RCAN1: variants seen among roughly 807,000 people sequenced by gnomAD.
RCAN1 encodes regulator of calcineurin 1.
Under a neutral mutation model 22.9 loss-of-function variants are expected in RCAN1, and 11 were observed. The ratio of observed to expected loss-of-function variants is 0.48; its 90% confidence interval spans 0.30 to 0.79. RCAN1 has a LOEUF of 0.79. Ranked by LOEUF, RCAN1 falls within the 30% of genes least tolerant of loss-of-function variation. RCAN1 has a pLI of 0.06. For missense variants in RCAN1, 291 were observed against 337.8 expected (o/e 0.86, Z 1.09); for synonymous variants, 136 against 142.3 (o/e 0.96, Z 0.32).
intron 1 of RCAN1, among the ~76,000 whole-genome samples, chr21:34,612,305 C>T (rs1051492506): frequency 2.0e-5 from 3 of 152,186 alleles, no homozygotes; most frequent in Admixed American, 6.5e-5. Flanking sequence ...AGCTACCAAT[C>T]GCCTCTCTGT....
intron 1 of RCAN1, among the ~76,000 whole-genome samples, chr21:34,544,784 C>T (rs541943062): frequency 2.0e-5 from 3 of 152,276 alleles, no homozygotes; most frequent in East Asian, 1.9e-4. Flanking sequence ...AGGAAGCACC[C>T]GCCTCGGGTT....
chr21:34,592,331 T>C (rs1002249655), intron 1 of RCAN1, among the ~76,000 whole-genome samples: 1 of 152,164 alleles, frequency 6.6e-6, no homozygotes, highest in Admixed American at 6.5e-5. Flanking sequence ...GAGTCCCTGA[T>C]AATGGCGTCC....
chr21:34,603,385 C>CT (rs11380595), intron 1 of RCAN1, among the ~76,000 whole-genome samples: 102,815 of 151,922 alleles, frequency 0.68, 35,482 homozygotes, highest in East Asian at 0.9. Flanking sequence ...TCCCGAAGTC[C>CT]CCCGGTTTGT....
intron 1 of RCAN1, among the ~76,000 whole-genome samples, chr21:34,563,515 C>A (rs1374388681): frequency 6.6e-6 from 1 of 151,898 alleles, no homozygotes; most frequent in African/African-American, 2.4e-5. Context: ...GCACCAAGGG[C>A]AGGGAAGCAT....
chr21:34,598,471 T>C (rs1407512877), intron 1 of RCAN1, among the ~76,000 whole-genome samples: 2 of 152,210 alleles, frequency 1.3e-5, no homozygotes, highest in South Asian at 2.1e-4. Context: ...GCAAACAACA[T>C]TGGAACATCC....
At chr21:34,534,256 C>T (rs1985563615) in intron 1 of RCAN1, among the ~76,000 whole-genome samples, 1 of 152,094 alleles carries the variant, frequency 6.6e-6, no homozygotes, top group Non-Finnish European at 1.5e-5. Flanking sequence ...CTGCAGTACC[C>T]ACTTTCTAAA....
chr21:34,546,547 G>A (rs1455945387), intron 1 of RCAN1, among the ~76,000 whole-genome samples: 1 of 152,182 alleles, frequency 6.6e-6, no homozygotes, highest in Non-Finnish European at 1.5e-5. Context: ...ACGCAAAGAA[G>A]ACAGCACAAA....
intron 1 of RCAN1, among the ~76,000 whole-genome samples, chr21:34,548,208 A>G (rs778299151): frequency 1.3e-4 from 20 of 152,238 alleles, no homozygotes; most frequent in Non-Finnish European, 2.8e-4. Context: ...ACCAAAGCCT[A>G]TAGATCCTAT....
At chr21:34,546,356 T>C (rs1986137114) in intron 1 of RCAN1, among the ~76,000 whole-genome samples, 1 of 152,104 alleles carries the variant, frequency 6.6e-6, no homozygotes, top group Non-Finnish European at 1.5e-5. Flanking sequence ...CTAGCATTTG[T>C]TGGCAGTTAC....
chr21:34,530,626 T>TG (rs57805524), intron 1 of RCAN1, among the ~76,000 whole-genome samples: 41,954 of 127,602 alleles, frequency 0.33, 7,060 homozygotes, highest in African/African-American at 0.45. Context: ...GTTTTTTTTT[T>TG]TTTTTTTTTT....
At chr21:34,533,063 C>T (rs546503699) in intron 1 of RCAN1, among the ~76,000 whole-genome samples, 3 of 151,606 alleles carry the variant, frequency 2.0e-5, no homozygotes, top group Admixed American at 6.6e-5. Flanking sequence ...CGGGTTCACG[C>T]CATTCTCCTG....
Position 34,552,740 on chromosome 21 carries a change from G to T in RCAN1, c.253-29030C>A, listed in dbSNP as rs141738924. On this transcript the variant is annotated intron_variant, in intron 1 of 3. Transcript: ENST00000313806. ...TGTCATTATTGAATGCCTATTCATG[G>T]ATGTATCGATAATAAAAGACAGTGA... is the stretch of plus-strand genomic sequence containing the variant. Among the ~76,000 whole-genome samples, 260 of 152,036 alleles carry T rather than the reference G, an allele frequency of 1.7e-3. 5 individuals carry two copies. Among genetic ancestry groups the T allele is most frequent in the Admixed American group, 0.015 (225 of 15,274 alleles).
intron 1 of RCAN1, among the ~76,000 whole-genome samples, chr21:34,605,097 G>A (rs943125916): frequency 3.9e-5 from 6 of 152,244 alleles, no homozygotes; most frequent in Admixed American, 6.5e-5. Flanking sequence ...GTCTGTGAGG[G>A]TGTTGCCAGA....
At position 34,614,634 on chromosome 21, in the gene RCAN1, G is replaced by T; in HGVS notation, c.252+126C>A. ...GCCCTGACGGGTCCGCGGCCGAGCA[G>T]CCCGGGGGACGTCGCTGCCTCCCCG... On this transcript the variant is annotated intron_variant, in intron 1 of 3. Transcript: ENST00000313806. The surrounding 1 kb of genome is among the most constrained non-coding windows in gnomAD (Gnocchi z 6.0). 1.8e-6 allele frequency: 2 copies of T among 1,111,576 alleles called. No individual in the cohort carries two copies. Among genetic ancestry groups the T allele is most frequent in the Non-Finnish European group, 2.2e-6 (2 of 901,620 alleles). The allele number at this position is 1,111,576 out of a possible 1,614,324, so 68.9% of individuals were successfully genotyped here.
At chr21:34,553,427 A>G (rs1601167289) in intron 1 of RCAN1, among the ~76,000 whole-genome samples, 1 of 152,236 alleles carries the variant, frequency 6.6e-6, no homozygotes, top group Non-Finnish European at 1.5e-5. Flanking sequence ...ATGGAAAGTC[A>G]TGCCACTTCC....
At chr21:34,560,433 AG>A (rs1986747228) in intron 1 of RCAN1, among the ~76,000 whole-genome samples, 1 of 152,230 alleles carries the variant, frequency 6.6e-6, no homozygotes, top group Non-Finnish European at 1.5e-5. Flanking sequence ...AGAACAAAGA[AG>A]TAACAAAGAA....
chr21:34,550,381 C>G (rs1468597259), intron 1 of RCAN1, among the ~76,000 whole-genome samples: 1 of 152,198 alleles, frequency 6.6e-6, no homozygotes, highest in Non-Finnish European at 1.5e-5. Context: ...CCTGGTACCT[C>G]ACAATGTGAC....
At chr21:34,587,107 A>C (rs1466658884) in intron 1 of RCAN1, among the ~76,000 whole-genome samples, 2 of 152,210 alleles carry the variant, frequency 1.3e-5, no homozygotes, top group East Asian at 3.8e-4. Context: ...ACAAATTGTC[A>C]CTACCAGGAT....
At position 34,518,388 on chromosome 21, in the gene RCAN1, A is replaced by C; in HGVS notation, c.587-132T>G. On this transcript the variant is annotated intron_variant, in intron 3 of 3. Coordinates refer to ENST00000313806, the MANE Select transcript of RCAN1 (RefSeq NM_004414.7). The surrounding 1 kb of genome is among the most constrained non-coding windows in gnomAD (Gnocchi z 4.2). ...TTCGATTGGGCTGAGAGACACAGCCAGACATATTTTGGGTTTGTATTTCTT... is the reference window on the plus strand; with the variant it reads ...TTCGATTGGGCTGAGAGACACAGCCCGACATATTTTGGGTTTGTATTTCTT... 2.2e-6 allele frequency: 2 copies of C among 916,326 alleles called. No individual in the cohort carries two copies. The highest frequency in any genetic ancestry group is 1.6e-6 in the Non-Finnish European group (1 of 621,634). 56.8% of individuals were successfully genotyped at this position (916,326 alleles called of 1,614,324 possible).
Sources: allele counts gnomAD v4.1 joint callset (sites outside exome capture counted in the v4.1 genomes callset), GRCh38; gene constraint gnomAD v4.1.1; non-coding constraint Gnocchi (gnomAD v3.1); transcripts MANE v1.5; gene names NCBI Gene and HGNC (gene_info 2026-07-23, HGNC 2026-07-21).